Variants in SLC22A25 observed in about 807,000 individuals in gnomAD.
SLC22A25 encodes MGI:2442751, MGI:2385316, MGI:3042283, MGI:3645714, MGI:3605624, MGI:2442750.
SLC22A25 carries 44 observed loss-of-function variants against 45.9 expected under a neutral mutation model. The observed-to-expected ratio is 0.96, with a 90% CI of 0.75 to 1.23. The LOEUF is 1.23. SLC22A25 is among the 50% of genes most tolerant of loss of function. The pLI, the probability that SLC22A25 is intolerant of heterozygous loss-of-function variation, is 0.00. For synonymous variants in SLC22A25, 283 were observed against 238.6 expected, an observed-to-expected ratio of 1.19 and a Z score of -1.72; for missense variants, 800 against 666.4, an observed-to-expected ratio of 1.20 and a Z score of -2.21.
intron 7 of SLC22A25, among the ~76,000 whole-genome samples, chr11:63,189,284 C>A (rs938767149): frequency 5.9e-5 from 9 of 152,218 alleles, no homozygotes; most frequent in Non-Finnish European, 1.3e-4. Flanking sequence ...GAATTGACCC[C>A]TTTACCATTA....
intron 5 of SLC22A25, among the ~76,000 whole-genome samples, chr11:63,222,293 C>A (rs2089870819): frequency 6.6e-6 from 1 of 152,002 alleles, no homozygotes; most frequent in Admixed American, 6.6e-5. Context: ...GTGTCCCATT[C>A]AATTTATTTC....
intron 7 of SLC22A25, among the ~76,000 whole-genome samples, chr11:63,199,453 A>T (rs1487535388): frequency 3.3e-5 from 5 of 152,154 alleles, no homozygotes; most frequent in African/African-American, 7.2e-5. Flanking sequence ...GTCCATTTCC[A>T]AGACAAAGTG....
intron 9 of SLC22A25, among the ~76,000 whole-genome samples, chr11:63,171,645 A>G (rs2087889868): frequency 6.6e-6 from 1 of 152,218 alleles, no homozygotes; most frequent in Non-Finnish European, 1.5e-5. Context: ...ACCACTGCAC[A>G]AGGAAATAAG....
At chr11:63,205,176 A>G (rs1382432704) in intron 7 of SLC22A25, among the ~76,000 whole-genome samples, 1 of 152,220 alleles carries the variant, frequency 6.6e-6, no homozygotes, top group Non-Finnish European at 1.5e-5. Flanking sequence ...TTAGAGGGAA[A>G]TTTATAGCAC....
chr11:63,226,657 A>T (rs75999630), intron 5 of SLC22A25, among the ~76,000 whole-genome samples: 5,950 of 152,142 alleles, frequency 0.039, 396 homozygotes, highest in African/African-American at 0.14. Context: ...TACCACCTAT[A>T]TTTGCTAAAG....
At position 63,203,156 on chromosome 11, in the gene SLC22A25, C is replaced by T. The variant is rs571582089; in HGVS notation, c.830+14158G>A. Among the ~76,000 whole-genome samples the T allele has an allele frequency of 1.1e-4, 16 of 152,238 alleles. No homozygotes were observed. The East Asian group carries it at 2.7e-3, about 26-fold the overall frequency. ...TCACACAAAAACCCCATCTGAAGGT[C>T]ACCGACATCAAAGACCAGAAGTAGA... is the stretch of plus-strand genomic sequence containing the variant. On this transcript the variant is annotated intron_variant, in intron 7 of 11. Transcript: ENST00000306494.
chr11:63,192,521 C>G (rs1169957520), intron 7 of SLC22A25, among the ~76,000 whole-genome samples: 2 of 152,002 alleles, frequency 1.3e-5, no homozygotes, highest in African/African-American at 4.8e-5. Context: ...GCTAAATGCC[C>G]CAGTTAAAAG....
At chr11:63,181,976 G>A (rs1436738943) in intron 8 of SLC22A25, among the ~76,000 whole-genome samples, 1 of 152,012 alleles carries the variant, frequency 6.6e-6, no homozygotes, top group Non-Finnish European at 1.5e-5. Context: ...TACTGAACTC[G>A]CTGACCACTA....
At chr11:63,228,302 C>T (rs74888382) in intron 5 of SLC22A25, among the ~76,000 whole-genome samples, 159 bp downstream of exon 5, 417 of 152,324 alleles carry the variant, frequency 2.7e-3, no homozygotes, top group African/African-American at 9.6e-3. Context: ...AAAAATAGCA[C>T]TCACCACACT....
intron 9 of SLC22A25, among the ~76,000 whole-genome samples, chr11:63,173,998 C>T (rs867647442): frequency 2.0e-5 from 3 of 151,086 alleles, no homozygotes; most frequent in African/African-American, 7.3e-5. Context: ...GTTTGCTGCA[C>T]CCATCAACTC....
At chr11:63,183,920 T>A in intron 7 of SLC22A25, 103 bp from the exon 8 acceptor site, 1 of 1,491,514 alleles carries the variant, frequency 6.7e-7, no homozygotes, top group Non-Finnish European at 9.1e-7. Flanking sequence ...AATACCCACC[T>A]CTTGTTTGGT....
chr11:63,215,814 C>A (rs1337229679), intron 7 of SLC22A25, among the ~76,000 whole-genome samples: 1 of 152,020 alleles, frequency 6.6e-6, no homozygotes, highest in African/African-American at 2.4e-5. Flanking sequence ...TTGTTTTCTT[C>A]TTTGTGTTCA....
chr11:63,195,714 C>G (rs532661891), intron 7 of SLC22A25, among the ~76,000 whole-genome samples: 1 of 152,062 alleles, frequency 6.6e-6, no homozygotes, highest in Non-Finnish European at 1.5e-5. Flanking sequence ...CAAGAGCAAA[C>G]ACATTCAAAA....
chr11:63,220,708 C>A (rs2134823404), intron 5 of SLC22A25, among the ~76,000 whole-genome samples: 1 of 152,186 alleles, frequency 6.6e-6, no homozygotes, highest in East Asian at 1.9e-4. Flanking sequence ...AATACTAGGT[C>A]TTATTCATTC....
intron 7 of SLC22A25, among the ~76,000 whole-genome samples, chr11:63,199,188 CAAAT>C (rs1554976726): frequency 6.6e-6 from 1 of 151,766 alleles, no homozygotes; most frequent in Non-Finnish European, 1.5e-5. Flanking sequence ...AGAGAAGACT[CAAAT>C]AAACAAAATC....
At position 63,205,812 on chromosome 11, in the gene SLC22A25, G is replaced by T. The variant is rs367593800; in HGVS notation, c.830+11502C>A. Among the ~76,000 whole-genome samples, 13 of 150,930 alleles carry T rather than the reference G, an allele frequency of 8.6e-5. No individual in the cohort carries two copies. The East Asian group carries it at 2.5e-3, about 29-fold the overall frequency. On this transcript the variant is annotated intron_variant, in intron 7 of 11. Transcript: ENST00000306494. ...TTCCCAAACTCATTTTATGAGGCCA[G>T]CATCATCCTGATACCAAAACCCGTT...
chr11:63,175,523 G>A (rs1271172920), intron 9 of SLC22A25, among the ~76,000 whole-genome samples: 1 of 151,896 alleles, frequency 6.6e-6, no homozygotes, highest in African/African-American at 2.4e-5. Context: ...TCAGATATGT[G>A]GTTGGCAAAT....
At chr11:63,225,723 C>T (rs1423754281) in intron 5 of SLC22A25, among the ~76,000 whole-genome samples, 1 of 152,022 alleles carries the variant, frequency 6.6e-6, no homozygotes, top group African/African-American at 2.4e-5. Flanking sequence ...AACTGTCTAC[C>T]CTTGTCTCTC....
At chr11:63,217,263 C>T (rs1225364844) in intron 7 of SLC22A25, 51 bp downstream of exon 7, 2 of 1,582,740 alleles carry the variant, frequency 1.3e-6, no homozygotes, top group Non-Finnish European at 1.7e-6. Context: ...ATTCCATGTA[C>T]ATCTGCATTC....
Sources: gnomAD v4.1 joint callset for allele counts (sites outside exome capture counted in the v4.1 genomes callset) on GRCh38, gnomAD v4.1.1 for gene constraint, MANE v1.5 for transcripts, NCBI Gene and HGNC (gene_info 2026-07-23, HGNC 2026-07-21) for gene names.